The following CAST variants were observed in gnomAD, a reference collection of about 807,000 sequenced individuals.
CAST encodes the protein calpastatin.
Under a neutral mutation model 119.6 loss-of-function variants are expected in CAST, and 76 were observed. The ratio of observed to expected loss-of-function variants is 0.64; its 90% CI spans 0.53 to 0.77. CAST has a LOEUF of 0.77. Ranked by LOEUF, CAST falls within the 30% of genes least tolerant of loss-of-function variation. CAST has a pLI of 0.00. For missense variants in CAST, 953 were observed against 946.5 expected, an observed-to-expected ratio of 1.01 and a Z score of -0.09; for synonymous variants, 319 against 331.6, an observed-to-expected ratio of 0.96 and a Z score of 0.41.
At chr5:96,702,664 T>C in intron 3 of CAST, 1 of 558,822 alleles carries the variant, frequency 1.8e-6, no homozygotes, top group Non-Finnish European at 2.3e-6. Context: ...TGAGCCAGTC[T>C]CCAGATGCCA....
chr5:96,661,912 C>T (rs899582518), upstream of CAST, among the ~76,000 whole-genome samples: 2 of 152,262 alleles, frequency 1.3e-5, no homozygotes, highest in South Asian at 2.1e-4. Context: ...CTTATCTAGA[C>T]TGTCCAGGCT....
At chr5:96,396,859 CTG>C in the CAST span, among the ~76,000 whole-genome samples, 2 of 152,144 alleles carry the variant, frequency 1.3e-5, no homozygotes, top group East Asian at 1.9e-4. Context: ...ATGACTAAAA[CTG>C]TTTAAAAAAG....
At chr5:96,554,420 A>G (rs1746193651) in intron 1 of CAST, among the ~76,000 whole-genome samples, 1 of 152,244 alleles carries the variant, frequency 6.6e-6, no homozygotes, top group Admixed American at 6.5e-5. Context: ...TGGATCAAAG[A>G]CTTAACTGTA....
chr5:96,157,502 C>T, the CAST span, among the ~76,000 whole-genome samples: 2 of 152,200 alleles, frequency 1.3e-5, no homozygotes, highest in Admixed American at 1.3e-4. Flanking sequence ...GGTGTGGTGT[C>T]CTTACTATCT....
the CAST span, among the ~76,000 whole-genome samples, chr5:96,052,819 T>C: frequency 6.6e-6 from 1 of 152,202 alleles, no homozygotes; most frequent in Non-Finnish European, 1.5e-5. Context: ...ATCCATTTGG[T>C]CAGGAAGTAG....
At chr5:96,445,808 C>A in the CAST span, among the ~76,000 whole-genome samples, 3 of 152,142 alleles carry the variant, frequency 2.0e-5, no homozygotes, top group African/African-American at 7.2e-5. Flanking sequence ...TCTGGGTAAA[C>A]CCGGGGGTAA....
At chr5:96,085,779 G>A in the CAST span, among the ~76,000 whole-genome samples, 3 of 152,168 alleles carry the variant, frequency 2.0e-5, no homozygotes, top group Non-Finnish European at 4.4e-5. Context: ...AGATGCTGCT[G>A]GATAGGGCAG....
chr5:95,995,547 G>T, the CAST span, among the ~76,000 whole-genome samples: 12 of 152,018 alleles, frequency 7.9e-5, no homozygotes, highest in African/African-American at 2.9e-4. Context: ...GGAAAATGAA[G>T]ATTTGGATCT....
At chr5:96,624,830 T>TG (rs1257021623) in intron 1 of CAST, among the ~76,000 whole-genome samples, 49 of 152,364 alleles carry the variant, frequency 3.2e-4, no homozygotes, top group African/African-American at 1.1e-3. Context: ...ATTCTCATTC[T>TG]GTTTGTGTAG....
intron 4 of CAST, among the ~76,000 whole-genome samples, chr5:96,725,918 A>C (rs1425700512): frequency 2.0e-5 from 3 of 152,226 alleles, no homozygotes; most frequent in Non-Finnish European, 4.4e-5. Flanking sequence ...AAACATTTCA[A>C]TCATAAGCTT....
the CAST span, among the ~76,000 whole-genome samples, chr5:95,985,179 T>C: frequency 6.6e-6 from 1 of 152,208 alleles, no homozygotes; most frequent in African/African-American, 2.4e-5. Flanking sequence ...CTGGGTGTAG[T>C]AGCCTGCACC....
At chr5:96,754,028 C>T in intron 20 of CAST, 32 bp from the exon 21 acceptor site, 3 of 1,269,428 alleles carry the variant, frequency 2.4e-6, no homozygotes, top group Non-Finnish European at 3.5e-6. Flanking sequence ...TGATTAACCA[C>T]CTACTTAATA....
chr5:96,205,653 G>GT, the CAST span, among the ~76,000 whole-genome samples: 2 of 152,040 alleles, frequency 1.3e-5, no homozygotes, highest in African/African-American at 4.8e-5. Flanking sequence ...ATCTCATTCT[G>GT]TTTTTATGGC....
chr5:96,379,654 T>G, the CAST span: 1 of 152,150 alleles, frequency 6.6e-6, no homozygotes, highest in African/African-American at 2.4e-5. Context: ...CACAGTGAGG[T>G]AGAGTTTGCT....
At chr5:96,733,218 T>A (rs1471827108) in intron 9 of CAST, among the ~76,000 whole-genome samples, 2 of 152,164 alleles carry the variant, frequency 1.3e-5, no homozygotes, top group African/African-American at 2.4e-5. Context: ...ACCTTGAGAC[T>A]CATAGCCTCA....
At chr5:95,962,770 AT>A in the CAST span, among the ~76,000 whole-genome samples, 2 of 152,222 alleles carry the variant, frequency 1.3e-5, no homozygotes, top group African/African-American at 4.8e-5. Context: ...ATTGATCTAA[AT>A]TAAAAGAAAC....
chr5:96,476,289 C>T, the CAST span, among the ~76,000 whole-genome samples: 3 of 152,028 alleles, frequency 2.0e-5, no homozygotes, highest in African/African-American at 7.2e-5. Context: ...TGATTTTTTT[C>T]ATATTTAAGA....
chr5:96,079,109 T>C, the CAST span: 1 of 471,174 alleles, frequency 2.1e-6, no homozygotes, highest in Non-Finnish European at 4.4e-6. Context: ...CCTATTTAAA[T>C]GATAGGAAGG....
chr5:96,549,629 C>T (rs1746088186), intron 1 of CAST, among the ~76,000 whole-genome samples: 1 of 152,190 alleles, frequency 6.6e-6, no homozygotes, highest in African/African-American at 2.4e-5. Flanking sequence ...GGGGATTTCC[C>T]TTTCCTAGCC....
Sources: allele counts gnomAD v4.1 joint callset (sites outside exome capture counted in the v4.1 genomes callset), GRCh38; gene constraint gnomAD v4.1.1; transcripts MANE v1.5; gene names NCBI Gene and HGNC (gene_info 2026-07-23, HGNC 2026-07-21).